Variants in PTPN4 observed in about 807,000 individuals in gnomAD.
PTPN4 encodes protein tyrosine phosphatase non-receptor type 4, also known as tyrosine-protein phosphatase non-receptor type 4.
A neutral mutation model predicts 135.5 loss-of-function variants in PTPN4; 49 were observed. The observed-to-expected ratio is 0.36, with a 90% CI of 0.29 to 0.46. PTPN4 has a LOEUF of 0.46. Among genes scored for constraint, PTPN4 ranks in the 20% least tolerant of loss-of-function variants. The probability of loss-of-function intolerance (pLI) is 1.00; values close to 1 mark genes in which losing one functional copy is unlikely to be tolerated. For missense variants in PTPN4, 860 were observed against 1,101.0 expected (o/e 0.78, Z 3.10); for synonymous variants, 333 against 369.9 (o/e 0.90, Z 1.14).
chr2:119,844,581 C>G (rs1384467845), intron 2 of PTPN4, among the ~76,000 whole-genome samples: 2 of 148,032 alleles, frequency 1.4e-5, no homozygotes, highest in Non-Finnish European at 3.0e-5. Flanking sequence ...GACGGGGTCT[C>G]GGCCGGGCAG....
At chr2:119,860,993 A>G (rs1285557902) in intron 2 of PTPN4, among the ~76,000 whole-genome samples, 2 of 151,484 alleles carry the variant, frequency 1.3e-5, no homozygotes, top group African/African-American at 4.9e-5. Flanking sequence ...GTGAGCCAAG[A>G]TCAGATTGTG....
At chr2:119,952,791 C>G (rs756001131) in intron 19 of PTPN4, among the ~76,000 whole-genome samples, 23 of 152,216 alleles carry the variant, frequency 1.5e-4, no homozygotes, top group Non-Finnish European at 2.2e-4. Flanking sequence ...GCCGTAAGCT[C>G]TAGCTCTTTG....
At position 119,858,212 on chromosome 2, in the gene PTPN4, A is replaced by T. The variant is rs185065231; in HGVS notation, c.139-4324A>T. On this transcript the variant is annotated intron_variant, in intron 2 of 26. Coordinates refer to ENST00000263708, the MANE Select transcript of PTPN4 (RefSeq NM_002830.4). ...TTCTTTATAAATTACCCAGTCTCAGATATTTATTTACAGTGATGCAAGAAC... is the reference window on the plus strand; with the variant it reads ...TTCTTTATAAATTACCCAGTCTCAGTTATTTATTTACAGTGATGCAAGAAC... 4.6e-5 allele frequency among the ~76,000 whole-genome samples: 7 copies of T among 152,302 alleles called. No individual in the cohort carries two copies. The East Asian group carries it at 1.3e-3, about 29-fold the overall frequency.
chr2:119,820,628 G>A (rs774498750), intron 2 of PTPN4, among the ~76,000 whole-genome samples: 1 of 152,110 alleles, frequency 6.6e-6, no homozygotes, highest in Non-Finnish European at 1.5e-5. Flanking sequence ...AGAAGAAATT[G>A]CATCTTATCT....
intron 1 of PTPN4, among the ~76,000 whole-genome samples, chr2:119,770,036 TA>T (rs1690706350): frequency 6.6e-6 from 1 of 152,238 alleles, no homozygotes; most frequent in Admixed American, 6.5e-5. Flanking sequence ...GCAATACAAT[TA>T]AAAATTACGT....
intron 1 of PTPN4, among the ~76,000 whole-genome samples, chr2:119,807,926 C>A (rs1262735773): frequency 6.6e-6 from 1 of 152,156 alleles, no homozygotes; most frequent in African/African-American, 2.4e-5. Flanking sequence ...TCAGCATACA[C>A]AAATCAATAA....
intron 2 of PTPN4, among the ~76,000 whole-genome samples, chr2:119,840,496 C>T (rs911966692): frequency 2.0e-5 from 3 of 152,188 alleles, no homozygotes; most frequent in African/African-American, 7.2e-5. Flanking sequence ...CATTAATGGG[C>T]ATTTAGGTTG....
At chr2:119,969,667 T>C (rs970491506) in intron 26 of PTPN4, among the ~76,000 whole-genome samples, 3 of 149,774 alleles carry the variant, frequency 2.0e-5, no homozygotes, top group Admixed American at 1.4e-4. Context: ...CACACCATTC[T>C]GCTGCCTCAG....
chr2:119,794,525 G>T (rs1186983992), intron 1 of PTPN4, among the ~76,000 whole-genome samples: 1 of 152,194 alleles, frequency 6.6e-6, no homozygotes. Context: ...CAAGGCTGTT[G>T]CTGGATCAAG....
At chr2:119,830,910 C>G (rs898960337) in intron 2 of PTPN4, among the ~76,000 whole-genome samples, 1 of 152,132 alleles carries the variant, frequency 6.6e-6, no homozygotes, top group African/African-American at 2.4e-5. Flanking sequence ...GAACTGTGAG[C>G]CAATTAAACT....
chr2:119,783,509 C>CT (rs1690985614), intron 1 of PTPN4, among the ~76,000 whole-genome samples: 1 of 152,132 alleles, frequency 6.6e-6, no homozygotes, highest in Non-Finnish European at 1.5e-5. Context: ...AGTAATGTGT[C>CT]TTTTTCAGTG....
intron 2 of PTPN4, among the ~76,000 whole-genome samples, chr2:119,832,530 T>A (rs866684913): frequency 6.6e-6 from 1 of 152,254 alleles, no homozygotes. Flanking sequence ...CATAATTTCT[T>A]CTAGAAATTT....
chr2:119,883,476 TATTATTTTTTCAAAAGAG>T (rs1211703344), intron 8 of PTPN4, among the ~76,000 whole-genome samples: 4 of 152,198 alleles, frequency 2.6e-5, no homozygotes, highest in African/African-American at 9.7e-5. Context: ...TAATTTTATA[TATTATTTTTTCAAAAGAG>T]ATTTGTTGCC....
Position 119,965,487 on chromosome 2 carries a change from T to C in PTPN4, c.2410-10T>C. 6.3e-7 allele frequency: 1 copy of C among 1,595,942 alleles called. No individual in the cohort carries two copies. The highest frequency in any genetic ancestry group is 8.5e-7 in the Non-Finnish European group (1 of 1,172,710). On this transcript the variant is annotated splice_polypyrimidine_tract_variant and intron_variant, in intron 24 of 26. Transcript: ENST00000263708. Reference sequence around the variant, plus strand: ...TAAGTCAAGGTGCATAATTTTTCATTTGTTCTTAGAAAAATGAAAGTCGTC... The same window carrying C: ...TAAGTCAAGGTGCATAATTTTTCATCTGTTCTTAGAAAAATGAAAGTCGTC...
intron 9 of PTPN4, among the ~76,000 whole-genome samples, chr2:119,894,392 T>C (rs751589926): frequency 4.6e-5 from 7 of 152,238 alleles, no homozygotes; most frequent in South Asian, 2.1e-4. Flanking sequence ...CTTTCACTTA[T>C]TGTGACACAG....
At chr2:119,766,443 TGCGCGC>T (rs145798313) in intron 1 of PTPN4, among the ~76,000 whole-genome samples, 2 of 109,768 alleles carry the variant, frequency 1.8e-5, no homozygotes, top group African/African-American at 3.2e-5. Flanking sequence ...TATGCGCATG[TGCGCGC>T]GTGTGTGTGT....
rs1679625491 is a variant in PTPN4 at position 119,976,890 on chromosome 2, G to A, written c.2695-94G>A. On this transcript the variant is annotated intron_variant, in intron 26 of 26. Coordinates refer to ENST00000263708, the MANE Select transcript of PTPN4 (RefSeq NM_002830.4). ...GTTTTGTTTTGCATTTTTTAAGTAA[G>A]CAAGCCAAGTGAGATGTTTGTCTTT... 3 of 1,507,168 alleles carry A rather than the reference G, an allele frequency of 2.0e-6. No homozygotes were observed. In the African/African-American group the frequency reaches 4.3e-5, roughly 22 times the overall value. The allele number at this position is 1,507,168 out of a possible 1,614,324, so 93.4% of individuals were successfully genotyped here. A position where few individuals can be genotyped will look rare whatever the true frequency, so the allele number is the denominator to read the frequency against.
chr2:119,898,859 A>G (rs189990414), intron 9 of PTPN4, among the ~76,000 whole-genome samples: 1 of 152,226 alleles, frequency 6.6e-6, no homozygotes, highest in Non-Finnish European at 1.5e-5. Flanking sequence ...ATATTTCTGA[A>G]TATGTTATTT....
At chr2:119,873,176 T>G (rs550998251) in intron 3 of PTPN4, among the ~76,000 whole-genome samples, 39 of 152,048 alleles carry the variant, frequency 2.6e-4, no homozygotes, top group South Asian at 2.3e-3. Context: ...TGGGTTTTTT[T>G]TTTTTGTTGT....
Sources: gnomAD v4.1 joint callset for allele counts (sites outside exome capture counted in the v4.1 genomes callset) on GRCh38, gnomAD v4.1.1 for gene constraint, MANE v1.5 for transcripts, NCBI Gene and HGNC (gene_info 2026-07-23, HGNC 2026-07-21) for gene names.